CAMK2D: variants seen among roughly 807,000 people sequenced by gnomAD.
CAMK2D encodes the protein calcium/calmodulin-dependent protein kinase type II subunit delta.
In CAMK2D, 37 loss-of-function variants were observed where a neutral mutation model predicts 84.0. The ratio of observed to expected loss-of-function variants is 0.44; its 90% CI spans 0.34 to 0.58. The LOEUF (loss-of-function observed/expected upper bound fraction) is 0.58. Ranked by LOEUF, CAMK2D falls within the 20% of genes least tolerant of loss-of-function variation. The pLI, the probability that CAMK2D is intolerant of heterozygous loss-of-function variation, is 0.02. For missense variants in CAMK2D, 448 were observed against 652.5 expected, an observed-to-expected ratio of 0.69 and a Z score of 3.41; for synonymous variants, 202 against 212.5, an observed-to-expected ratio of 0.95 and a Z score of 0.43.
intron 3 of CAMK2D, among the ~76,000 whole-genome samples, chr4:113,631,843 G>C (rs1300928337): frequency 2.6e-5 from 4 of 152,162 alleles, no homozygotes; most frequent in Admixed American, 2.6e-4. Flanking sequence ...TGTTCTGGAT[G>C]ATGAGCATGC....
chr4:113,585,290 T>C (rs2098828592), intron 4 of CAMK2D, among the ~76,000 whole-genome samples: 1 of 152,210 alleles, frequency 6.6e-6, no homozygotes, highest in South Asian at 2.1e-4. Context: ...TTTCATATAA[T>C]CAACGTGAGG....
At chr4:113,497,919 G>C (rs562460040) in intron 16 of CAMK2D, among the ~76,000 whole-genome samples, 1 of 152,270 alleles carries the variant, frequency 6.6e-6, no homozygotes, top group Non-Finnish European at 1.5e-5. Flanking sequence ...CAAAAAGTGT[G>C]GTGTCTCACT....
At chr4:113,483,406 CTTCT>C (rs976132512) in intron 16 of CAMK2D, among the ~76,000 whole-genome samples, 6 of 149,612 alleles carry the variant, frequency 4.0e-5, no homozygotes, top group Admixed American at 1.3e-4. Flanking sequence ...TATCCTTATG[CTTCT>C]TTTTTTTTTT....
At chr4:113,694,913 A>G (rs73843475) in intron 2 of CAMK2D, among the ~76,000 whole-genome samples, 2,227 of 152,296 alleles carry the variant, frequency 0.015, 56 homozygotes, top group African/African-American at 0.051. Flanking sequence ...ACAGGTACAC[A>G]GTGTTCTTTA....
intron 4 of CAMK2D, among the ~76,000 whole-genome samples, chr4:113,580,382 C>A (rs1698162794): frequency 6.6e-6 from 1 of 152,136 alleles, no homozygotes; most frequent in Non-Finnish European, 1.5e-5. Flanking sequence ...AATATATCAA[C>A]CTTTTAAATA....
intron 2 of CAMK2D, among the ~76,000 whole-genome samples, chr4:113,744,996 G>A (rs1031650572): frequency 1.3e-5 from 2 of 152,088 alleles, no homozygotes; most frequent in African/African-American, 4.8e-5. Flanking sequence ...TTCTCCCCAT[G>A]ACTCAGCTTT....
chr4:113,586,033 G>A (rs1269591252), intron 4 of CAMK2D, among the ~76,000 whole-genome samples: 7 of 151,966 alleles, frequency 4.6e-5, no homozygotes, highest in African/African-American at 1.2e-4. Flanking sequence ...GGACCTATGC[G>A]GTTTTTTAAT....
intron 3 of CAMK2D, among the ~76,000 whole-genome samples, chr4:113,632,451 G>C (rs1341865890): frequency 6.6e-6 from 1 of 151,982 alleles, no homozygotes; most frequent in South Asian, 2.1e-4. Context: ...TCGAACTCCT[G>C]ACCTCAGGTG....
At chr4:113,500,660 G>A in intron 15 of CAMK2D, 149 bp from the exon 16 acceptor site, 1 of 519,042 alleles carries the variant, frequency 1.9e-6, no homozygotes, top group Non-Finnish European at 3.4e-6. Context: ...CACATTAAGT[G>A]GTTTTTAACA....
At chr4:113,609,282 CAT>C (rs2098990099) in intron 3 of CAMK2D, 76 bp from the exon 4 acceptor site, 1 of 779,708 alleles carries the variant, frequency 1.3e-6, no homozygotes. Context: ...TTCACATGGA[CAT>C]ATGTCTCCTA....
rs1258181110 is a variant in CAMK2D at position 113,452,275 on chromosome 4, A to G, written c.*2270T>C. The G allele has an allele frequency of 6.6e-6, 1 of 152,202 alleles. No individual in the cohort carries two copies. The highest frequency in any genetic ancestry group is 2.4e-5 in the African/African-American group (1 of 41,450). The allele number at this position is 152,202 out of a possible 1,614,324, so 9.4% of individuals were successfully genotyped here. ...GACCATTGTTTTGCTCACAGAGAAC[A>G]ATTAACTTGCCATTCTCACCAAGTG... On this transcript the variant is annotated 3_prime_UTR_variant, in exon 21 of 21. Transcript: ENST00000511664.
At chr4:113,615,797 C>CT (rs1019208204) in intron 3 of CAMK2D, among the ~76,000 whole-genome samples, 1 of 151,776 alleles carries the variant, frequency 6.6e-6, no homozygotes, top group Non-Finnish European at 1.5e-5. Flanking sequence ...TATACTTTGT[C>CT]TTTTTTTACT....
chr4:113,532,892 G>C (rs1029600182), intron 7 of CAMK2D, among the ~76,000 whole-genome samples: 1 of 151,318 alleles, frequency 6.6e-6, no homozygotes, highest in African/African-American at 2.4e-5. Context: ...TTCTAACAGA[G>C]AGTGGCTCTA....
At chr4:113,748,681 A>G (rs1204130571) in intron 2 of CAMK2D, among the ~76,000 whole-genome samples, 1 of 152,124 alleles carries the variant, frequency 6.6e-6, no homozygotes, top group African/African-American at 2.4e-5. Context: ...TAAGTAAAAA[A>G]GCAGGACATA....
chr4:113,521,907 C>A (rs1590661048), intron 8 of CAMK2D, among the ~76,000 whole-genome samples: 2 of 152,136 alleles, frequency 1.3e-5, no homozygotes, highest in South Asian at 4.1e-4. Context: ...GTATTCTCTC[C>A]ATTTTATGTT....
chr4:113,566,074 TAAG>T lies in CAMK2D; in HGVS notation c.276-13981_276-13979del, dbSNP rs569949480. The stretch of plus-strand genomic sequence containing the variant: ...TTTCAATATTATCTTCAGTTGCCAC[TAAG>T]AATAGGAGAGTTTCATGCTAAAGGG... On this transcript the variant is annotated intron_variant, in intron 4 of 20. Coordinates refer to ENST00000511664, the MANE Select transcript of CAMK2D (RefSeq NM_001321571.2). 3.0e-4 allele frequency among the ~76,000 whole-genome samples: 46 copies of T among 152,316 alleles called. 1 individual carries two copies. In the South Asian group the frequency reaches 9.1e-3, roughly 30 times the overall value.
intron 4 of CAMK2D, among the ~76,000 whole-genome samples, chr4:113,553,384 A>C (rs901151546): frequency 9.9e-5 from 15 of 152,206 alleles, no homozygotes; most frequent in African/African-American, 3.6e-4. Flanking sequence ...AAAGGTATAG[A>C]GCTTCATGTA....
intron 17 of CAMK2D, among the ~76,000 whole-genome samples, chr4:113,462,848 CA>C (rs140068406): frequency 1.6e-4 from 23 of 141,386 alleles, no homozygotes; most frequent in South Asian, 6.7e-4. Context: ...AATGCTATTG[CA>C]AAAAAAAAAG....
chr4:113,462,280 G>A (rs1384405600), intron 17 of CAMK2D, among the ~76,000 whole-genome samples: 2 of 87,864 alleles, frequency 2.3e-5, no homozygotes, highest in Non-Finnish European at 2.5e-5. Flanking sequence ...GTGTGTGTGT[G>A]TGTGTGTGTG....
Sources: allele counts gnomAD v4.1 joint callset (sites outside exome capture counted in the v4.1 genomes callset), GRCh38; gene constraint gnomAD v4.1.1; transcripts MANE v1.5; gene names NCBI Gene and HGNC (gene_info 2026-07-23, HGNC 2026-07-21).